ADGRB3: variants seen among roughly 807,000 people sequenced by gnomAD.
ADGRB3 encodes the protein adhesion G protein-coupled receptor B3, also known as brain-specific angiogenesis inhibitor 3.
ADGRB3 carries 37 observed loss-of-function variants against 193.4 expected under a neutral mutation model. The ratio of observed to expected loss-of-function variants is 0.19; its 90% CI spans 0.15 to 0.25. ADGRB3 has a LOEUF of 0.25. ADGRB3 is among the 10% of genes least tolerant of loss of function. The pLI is 1.00. For synonymous variants in ADGRB3, 690 were observed against 644.2 expected (o/e 1.07, Z -1.08); for missense variants, 1,637 against 1,852.9 (o/e 0.88, Z 2.14).
chr6:69,253,802 G>A (rs73745990), intron 20 of ADGRB3, among the ~76,000 whole-genome samples: 21,272 of 152,028 alleles, frequency 0.14, 1,549 homozygotes, highest in Middle Eastern at 0.16. Flanking sequence ...CAAACAGGAT[G>A]CAATTATAGA....
intron 3 of ADGRB3, among the ~76,000 whole-genome samples, chr6:68,890,037 G>A (rs1199474654): frequency 6.6e-6 from 1 of 152,132 alleles, no homozygotes; most frequent in African/African-American, 2.4e-5. Context: ...TTTCTCAAAA[G>A]TATATGCAAA....
At chr6:68,773,856 G>T (rs117315695) in intron 3 of ADGRB3, among the ~76,000 whole-genome samples, 9 of 151,978 alleles carry the variant, frequency 5.9e-5, no homozygotes, top group East Asian at 1.9e-4. Flanking sequence ...AAGAAGAAAG[G>T]CTCCTTGAGA....
At chr6:68,823,364 T>A (rs141189224) in intron 3 of ADGRB3, among the ~76,000 whole-genome samples, 2,250 of 152,026 alleles carry the variant, frequency 0.015, 44 homozygotes, top group African/African-American at 0.051. Flanking sequence ...CCATCATATG[T>A]TTTGGGAACT....
At chr6:69,013,981 T>A in intron 11 of ADGRB3, 57 bp from the exon 12 acceptor site, 1 of 1,248,844 alleles carries the variant, frequency 8.0e-7, no homozygotes, top group Non-Finnish European at 1.1e-6. Flanking sequence ...ATGGGTGTTA[T>A]TAAAAAGTAT....
intron 17 of ADGRB3, among the ~76,000 whole-genome samples, chr6:69,168,455 A>T (rs937934654): frequency 6.6e-6 from 1 of 152,182 alleles, no homozygotes; most frequent in African/African-American, 2.4e-5. Flanking sequence ...CAAGTGTGAC[A>T]TTGATGGAGA....
intron 3 of ADGRB3, among the ~76,000 whole-genome samples, chr6:68,814,098 T>C (rs908752012): frequency 2.5e-4 from 38 of 152,172 alleles, no homozygotes; most frequent in African/African-American, 9.2e-4. Flanking sequence ...GGTCAAATGG[T>C]ATTTCTACTT....
chr6:68,940,333 AT>A (rs1018324356), intron 5 of ADGRB3, among the ~76,000 whole-genome samples: 8 of 151,744 alleles, frequency 5.3e-5, no homozygotes, highest in African/African-American at 1.7e-4. Flanking sequence ...CATCCTGTGT[AT>A]TTTTTTAATG....
intron 20 of ADGRB3, among the ~76,000 whole-genome samples, chr6:69,269,401 GATA>G (rs1438276109): frequency 6.6e-6 from 1 of 152,062 alleles, no homozygotes; most frequent in Non-Finnish European, 1.5e-5. Flanking sequence ...ATCTTAAAAT[GATA>G]ATATCTCCTA....
chr6:68,709,086 C>A (rs2127314942), intron 3 of ADGRB3, among the ~76,000 whole-genome samples: 1 of 152,282 alleles, frequency 6.6e-6, no homozygotes, highest in South Asian at 2.1e-4. Context: ...CCTTTTACTG[C>A]ATTAACTGCA....
intron 17 of ADGRB3, among the ~76,000 whole-genome samples, chr6:69,145,490 C>T (rs1482145562): frequency 6.6e-6 from 1 of 152,172 alleles, no homozygotes; most frequent in Non-Finnish European, 1.5e-5. Flanking sequence ...CAGCTCTTCT[C>T]TCTTCTCTCC....
Position 69,227,319 on chromosome 6 carries a change from A to T in ADGRB3, c.2481-5971A>T, listed in dbSNP as rs554544654. Among the ~76,000 whole-genome samples, 109 of 152,338 alleles carry T rather than the reference A, an allele frequency of 7.2e-4. 3 individuals are homozygous for T. Among genetic ancestry groups the T allele is most frequent in the Admixed American group, 7.1e-3 (109 of 15,310 alleles). On this transcript the variant is annotated intron_variant, in intron 17 of 31. Coordinates refer to ENST00000370598, the MANE Select transcript of ADGRB3 (RefSeq NM_001704.3). ...GAGACCAGATAGTATAATTCCTTGT[A>T]GACCATTGTAAGGACCATTATAAGT...
chr6:68,774,027 A>G (rs1766690442), intron 3 of ADGRB3, among the ~76,000 whole-genome samples: 1 of 152,178 alleles, frequency 6.6e-6, no homozygotes, highest in African/African-American at 2.4e-5. Flanking sequence ...TCTAAATTAC[A>G]CACAAACATG....
At chr6:69,233,176 C>G in intron 17 of ADGRB3, 114 bp from the exon 18 acceptor site, 1 of 1,371,672 alleles carries the variant, frequency 7.3e-7, no homozygotes, top group African/African-American at 1.5e-5. Context: ...TTTTTTTTTC[C>G]TGTACAGGAA....
chr6:68,768,845 G>GAA (rs796157336), intron 3 of ADGRB3, among the ~76,000 whole-genome samples: 3 of 140,052 alleles, frequency 2.1e-5, no homozygotes, highest in African/African-American at 7.8e-5. Flanking sequence ...AAATTTACAA[G>GAA]AAAAAAAAAA....
At chr6:68,861,925 T>G (rs917415833) in intron 3 of ADGRB3, among the ~76,000 whole-genome samples, 1 of 152,152 alleles carries the variant, frequency 6.6e-6, no homozygotes, top group South Asian at 2.1e-4. Flanking sequence ...GTGTCTGACA[T>G]TTTATAAGAG....
At chr6:69,179,793 G>A (rs1775532370) in intron 17 of ADGRB3, among the ~76,000 whole-genome samples, 1 of 152,162 alleles carries the variant, frequency 6.6e-6, no homozygotes, top group Non-Finnish European at 1.5e-5. Flanking sequence ...ATTGGACTGT[G>A]CAGTTTGACT....
intron 16 of ADGRB3, among the ~76,000 whole-genome samples, chr6:69,066,318 C>T (rs1562144431): frequency 1.3e-5 from 2 of 150,538 alleles, no homozygotes; most frequent in African/African-American, 2.4e-5. Flanking sequence ...CAAAAATATC[C>T]GTTATACTTT....
chr6:68,859,427 G>C (rs977569657), intron 3 of ADGRB3, among the ~76,000 whole-genome samples: 8 of 152,010 alleles, frequency 5.3e-5, no homozygotes, highest in African/African-American at 1.9e-4. Flanking sequence ...CCCCACTCCT[G>C]GTACCAATTT....
At chr6:69,313,971 T>C (rs1329514585) in intron 20 of ADGRB3, among the ~76,000 whole-genome samples, 1 of 151,774 alleles carries the variant, frequency 6.6e-6, no homozygotes, top group Non-Finnish European at 1.5e-5. Context: ...GTCTTAGCAT[T>C]TTGAAGTTTC....
Sources: gnomAD v4.1 joint callset for allele counts (sites outside exome capture counted in the v4.1 genomes callset) on GRCh38, gnomAD v4.1.1 for gene constraint, MANE v1.5 for transcripts, NCBI Gene and HGNC (gene_info 2026-07-23, HGNC 2026-07-21) for gene names.